ESR1: variants seen among roughly 807,000 people sequenced by gnomAD.
ESR1 encodes estrogen receptor 1.
In ESR1, 12 loss-of-function variants were observed where a neutral mutation model predicts 52.7. The observed-to-expected ratio is 0.23, with a 90% CI of 0.15 to 0.37. ESR1 has a LOEUF of 0.37. Ranked by LOEUF, ESR1 falls within the 10% of genes least tolerant of loss-of-function variation. The probability of loss-of-function intolerance (pLI) is 1.00; values close to 1 mark genes in which losing one functional copy is unlikely to be tolerated. For synonymous variants in ESR1, 305 were observed against 316.8 expected, an observed-to-expected ratio of 0.96 and a Z score of 0.39; for missense variants, 584 against 779.7, an observed-to-expected ratio of 0.75 and a Z score of 2.99.
At chr6:152,073,036 T>C (rs1039474774) in intron 6 of ESR1, among the ~76,000 whole-genome samples, 1 of 152,260 alleles carries the variant, frequency 6.6e-6, no homozygotes, top group Non-Finnish European at 1.5e-5. Flanking sequence ...TACTTGCTTA[T>C]GTAGCTCAGG....
chr6:151,666,122 A>G (rs1046753366), intron 1 of ESR1, among the ~76,000 whole-genome samples: 1 of 152,238 alleles, frequency 6.6e-6, no homozygotes, highest in African/African-American at 2.4e-5. Flanking sequence ...AGTAACTGGC[A>G]TTCTGAAATT....
chr6:151,727,373 T>C (rs1290107076), intron 2 of ESR1, among the ~76,000 whole-genome samples: 1 of 152,062 alleles, frequency 6.6e-6, no homozygotes, highest in East Asian at 1.9e-4. Flanking sequence ...GGCTAATTTT[T>C]ATATTTTTAG....
At chr6:152,043,097 G>A (rs1202797100) in intron 5 of ESR1, among the ~76,000 whole-genome samples, 1 of 152,066 alleles carries the variant, frequency 6.6e-6, no homozygotes, top group African/African-American at 2.4e-5. Context: ...TCCCAGCTGG[G>A]ATGAGTAGGA....
intron 2 of ESR1, among the ~76,000 whole-genome samples, chr6:151,790,734 G>T (rs1776071794): frequency 6.6e-6 from 1 of 152,034 alleles, no homozygotes; most frequent in African/African-American, 2.4e-5. Flanking sequence ...AAATGAACAT[G>T]TTCCAGCTTT....
At chr6:151,689,169 T>G (rs1014876470), upstream of ESR1, among the ~76,000 whole-genome samples, 3 of 152,190 alleles carry the variant, frequency 2.0e-5, no homozygotes, top group Non-Finnish European at 4.4e-5. Context: ...TAAATGCTGT[T>G]TGAAAAGCAT....
At chr6:151,940,923 T>C (rs2034979119) in intron 3 of ESR1, among the ~76,000 whole-genome samples, 1 of 152,228 alleles carries the variant, frequency 6.6e-6, no homozygotes, top group African/African-American at 2.4e-5. Flanking sequence ...ACTGCCAATA[T>C]CAGTTTCTGA....
intron 6 of ESR1, among the ~76,000 whole-genome samples, chr6:152,063,666 G>A (rs553337552): frequency 6.6e-6 from 1 of 152,164 alleles, no homozygotes; most frequent in South Asian, 2.1e-4. Context: ...AAGTCCAACT[G>A]ATTCATGGCC....
At chr6:151,661,876 G>A (rs1386853212) in intron 1 of ESR1, among the ~76,000 whole-genome samples, 3 of 152,060 alleles carry the variant, frequency 2.0e-5, no homozygotes, top group East Asian at 1.9e-4. Flanking sequence ...TTTGCCTTCC[G>A]CCATGATTGT....
rs566424893 is a variant in ESR1 at position 152,070,264 on chromosome 6, T to C, written c.1369+9140T>C. ...GACCTCCCTACACTAATCAAAGAAC[T>C]AGAGGTGCAATCAGGCCATATATTT... On this transcript the variant is annotated intron_variant, in intron 6 of 7. Transcript: ENST00000206249. Among the ~76,000 whole-genome samples the C allele has an allele frequency of 2.2e-5, 3 of 137,266 alleles. No individual in the cohort carries two copies. The South Asian group carries it at 6.9e-4, about 32-fold the overall frequency. 90.1% of individuals were successfully genotyped at this position (137,266 alleles called of 152,430 possible).
chr6:151,865,399 T>C (rs1442245984), intron 2 of ESR1, among the ~76,000 whole-genome samples: 2 of 152,328 alleles, frequency 1.3e-5, no homozygotes, highest in South Asian at 2.1e-4. Context: ...GGTTTGCATA[T>C]ATTGTTTCAT....
chr6:151,710,000 A>G lies in ESR1; in HGVS notation c.-71+7995A>G, dbSNP rs566355562. Among the ~76,000 whole-genome samples, 11 of 151,600 alleles carry G rather than the reference A, an allele frequency of 7.3e-5. No individual in the cohort carries two copies. The East Asian group carries it at 2.1e-3, about 29-fold the overall frequency. ...TATTTTTTACATCTGGAATTTTTTT[A>G]TATAAAAGTGGAAGGCTCAACTGCA... On this transcript the variant is annotated intron_variant, in intron 2 of 2. Transcript: ENST00000404742.
intron 3 of ESR1, among the ~76,000 whole-genome samples, chr6:151,914,901 G>T (rs546136591): frequency 3.3e-5 from 5 of 152,132 alleles, no homozygotes; most frequent in Non-Finnish European, 7.4e-5. Context: ...AGAAGGTTTT[G>T]ATCATTTTTG....
intron 5 of ESR1, 103 bp downstream of exon 5, chr6:152,011,897 A>T: frequency 3.1e-6 from 4 of 1,294,960 alleles, no homozygotes; most frequent in Non-Finnish European, 4.4e-6. Flanking sequence ...AGAGAACTTT[A>T]TTAGGTATGT....
At chr6:151,749,161 A>C (rs998134420) in intron 2 of ESR1, among the ~76,000 whole-genome samples, 23 of 150,772 alleles carry the variant, frequency 1.5e-4, no homozygotes, top group African/African-American at 5.6e-4. Context: ...AAGGACCCTC[A>C]AATACTTGGG....
upstream of ESR1, among the ~76,000 whole-genome samples, chr6:151,686,666 T>A (rs183459267): frequency 7.3e-5 from 11 of 151,282 alleles, no homozygotes; most frequent in Admixed American, 1.3e-4. Flanking sequence ...CCAGCCTGGG[T>A]GACAGAGCAA....
chr6:151,680,230 G>A (rs569845014), intron 1 of ESR1, among the ~76,000 whole-genome samples: 167 of 139,810 alleles, frequency 1.2e-3, no homozygotes, highest in Non-Finnish European at 1.9e-3. Flanking sequence ...TTGAGTTGGA[G>A]TCTCGCTCTG....
chr6:151,852,092 T>G (rs905926392), intron 2 of ESR1, among the ~76,000 whole-genome samples: 2 of 152,172 alleles, frequency 1.3e-5, no homozygotes, highest in African/African-American at 2.4e-5. Flanking sequence ...AGACATAGAC[T>G]GAATGAACTG....
intron 6 of ESR1, among the ~76,000 whole-genome samples, chr6:152,123,705 A>C (rs2052286492): frequency 6.6e-6 from 1 of 152,268 alleles, no homozygotes; most frequent in Admixed American, 6.5e-5. Context: ...ACAAAAATAA[A>C]AGATGTAGCC....
chr6:151,721,442 A>G (rs1009569541), intron 2 of ESR1, among the ~76,000 whole-genome samples: 3 of 152,258 alleles, frequency 2.0e-5, no homozygotes, highest in Admixed American at 2.0e-4. Context: ...GTAATACAGA[A>G]CATGATGGAT....
Sources: allele counts gnomAD v4.1 joint callset (sites outside exome capture counted in the v4.1 genomes callset), GRCh38; gene constraint gnomAD v4.1.1; transcripts MANE v1.5; gene names NCBI Gene and HGNC (gene_info 2026-07-23, HGNC 2026-07-21).